NDST4: variants seen among roughly 807,000 people sequenced by gnomAD.
The protein encoded by NDST4 is N-heparan sulfate sulfotransferase 4.
In NDST4, 63 loss-of-function variants were observed where a neutral mutation model predicts 100.8. The ratio of observed to expected loss-of-function variants is 0.62; its 90% CI spans 0.51 to 0.77. The LOEUF is 0.77. NDST4 is among the 30% of genes least tolerant of loss of function. The probability of loss-of-function intolerance (pLI) is 0.00; values close to 1 mark genes in which losing one functional copy is unlikely to be tolerated. For missense variants in NDST4, 943 were observed against 1,018.4 expected, an observed-to-expected ratio of 0.93 and a Z score of 1.01; for synonymous variants, 377 against 361.8, an observed-to-expected ratio of 1.04 and a Z score of -0.48.
At chr4:115,015,741 C>T (rs1010584376) in intron 2 of NDST4, among the ~76,000 whole-genome samples, 1 of 151,998 alleles carries the variant, frequency 6.6e-6, no homozygotes, top group African/African-American at 2.4e-5. Flanking sequence ...CCAATGGGCT[C>T]ATGAACAAAG....
At chr4:115,022,404 CATATATATGTGTTCCAT>C (rs1553918284) in intron 2 of NDST4, among the ~76,000 whole-genome samples, 3 of 15,254 alleles carry the variant, frequency 2.0e-4, no homozygotes, top group South Asian at 1.7e-3. Flanking sequence ...ATATGTGTTC[CATATATATGTGTTCCAT>C]ATATATGTGT....
At chr4:114,970,950 A>G (rs1005346644) in intron 3 of NDST4, among the ~76,000 whole-genome samples, 3 of 152,140 alleles carry the variant, frequency 2.0e-5, no homozygotes, top group Non-Finnish European at 4.4e-5. Flanking sequence ...TTAACTCATA[A>G]CATTTGTTAA....
chr4:115,052,849 C>T (rs1235200008), intron 2 of NDST4, among the ~76,000 whole-genome samples: 1 of 151,968 alleles, frequency 6.6e-6, no homozygotes, highest in African/African-American at 2.4e-5. Context: ...GCCCAGTGAG[C>T]CTAATTATTA....
Position 115,045,455 on chromosome 4 carries a change from A to G in NDST4, c.978+30604T>C, listed in dbSNP as rs112916225. 6.4e-3 allele frequency among the ~76,000 whole-genome samples: 979 copies of G among 152,284 alleles called. 12 individuals carry two copies. The highest frequency in any genetic ancestry group is 0.022 in the African/African-American group (918 of 41,566). On this transcript the variant is annotated intron_variant, in intron 2 of 13. Coordinates refer to ENST00000264363, the MANE Select transcript of NDST4 (RefSeq NM_022569.3). ...GAGCTCTAGAAGAACTTATACTTCAATTGAGTCTTCTAGTAGTTTCCACAG... is the reference window on the plus strand; with the variant it reads ...GAGCTCTAGAAGAACTTATACTTCAGTTGAGTCTTCTAGTAGTTTCCACAG...
At chr4:114,877,924 C>A in intron 6 of NDST4, among the ~76,000 whole-genome samples, 1 of 137,012 alleles carries the variant, frequency 7.3e-6, no homozygotes, top group Admixed American at 7.9e-5. Flanking sequence ...TGCATTACAG[C>A]CAAAAAATGA....
At chr4:115,054,411 A>C (rs930077436) in intron 2 of NDST4, among the ~76,000 whole-genome samples, 3 of 152,136 alleles carry the variant, frequency 2.0e-5, no homozygotes, top group African/African-American at 7.2e-5. Context: ...AAATCTTTGG[A>C]TATTTACTCT....
At chr4:115,064,693 C>A (rs542227657) in intron 2 of NDST4, among the ~76,000 whole-genome samples, 1 of 152,058 alleles carries the variant, frequency 6.6e-6, no homozygotes. Context: ...ATACAAGAGG[C>A]TACTATCTCA....
chr4:114,937,269 C>T, intron 5 of NDST4, 49 bp downstream of exon 5: 2 of 1,592,742 alleles, frequency 1.3e-6, no homozygotes, highest in South Asian at 1.1e-5. Context: ...GTCTTCATTC[C>T]ACATGTAAAT....
intron 2 of NDST4, among the ~76,000 whole-genome samples, chr4:114,983,607 C>T (rs1267847653): frequency 6.6e-6 from 1 of 152,046 alleles, no homozygotes; most frequent in Non-Finnish European, 1.5e-5. Context: ...GCCTCATAGG[C>T]AGAAGGAACT....
chr4:114,908,678 T>C (rs1325097376), intron 6 of NDST4, among the ~76,000 whole-genome samples: 1 of 152,186 alleles, frequency 6.6e-6, no homozygotes, highest in Admixed American at 6.5e-5. Flanking sequence ...TCCTCGCTTG[T>C]CTCAGAAAGG....
At chr4:115,039,101 C>A (rs1440310658) in intron 2 of NDST4, among the ~76,000 whole-genome samples, 2 of 152,070 alleles carry the variant, frequency 1.3e-5, no homozygotes, top group African/African-American at 4.8e-5. Context: ...TAAAACAATC[C>A]GGTGAGCAGG....
At chr4:114,867,665 C>CAAAAAAAAAAAAAAAAAAAAAGA in intron 7 of NDST4, among the ~76,000 whole-genome samples, 203 of 79,572 alleles carry the variant, frequency 2.6e-3, no homozygotes, top group East Asian at 6.1e-3. Flanking sequence ...AAAAAAAAAG[C>CAAAAAAAAAAAAAAAAAAAAAGA]AAAAAAAAAA....
intron 2 of NDST4, among the ~76,000 whole-genome samples, chr4:115,051,236 A>C (rs1728575529): frequency 6.6e-6 from 1 of 151,980 alleles, no homozygotes; most frequent in South Asian, 2.1e-4. Context: ...CAGTGTCTTC[A>C]TCTCGTTTAT....
chr4:115,107,615 C>T (rs769160695), intron 1 of NDST4, among the ~76,000 whole-genome samples: 17 of 152,020 alleles, frequency 1.1e-4, no homozygotes, highest in Non-Finnish European at 2.2e-4. Context: ...TTTAATGTGC[C>T]ACCTTGACTT....
intron 1 of NDST4, 135 bp from the exon 2 acceptor site, chr4:115,077,417 CTGA>C (rs1312146625): frequency 6.4e-6 from 1 of 157,380 alleles, no homozygotes; most frequent in Non-Finnish European, 1.4e-5. Flanking sequence ...TATTAACAAC[CTGA>C]TGTTTACAGT....
chr4:114,910,028 A>C (rs1178672814), intron 6 of NDST4, among the ~76,000 whole-genome samples: 2 of 152,182 alleles, frequency 1.3e-5, no homozygotes, highest in Admixed American at 6.5e-5. Context: ...CTTGTCTGTT[A>C]AACATTTATG....
At chr4:114,962,531 A>G (rs1258413838) in intron 4 of NDST4, among the ~76,000 whole-genome samples, 1 of 152,020 alleles carries the variant, frequency 6.6e-6, no homozygotes, top group African/African-American at 2.4e-5. Context: ...AACAATATAA[A>G]ATTGGAATTT....
chr4:115,100,510 T>G (rs1029290186), intron 1 of NDST4, among the ~76,000 whole-genome samples: 2 of 152,076 alleles, frequency 1.3e-5, no homozygotes, highest in African/African-American at 2.4e-5. Context: ...TTCATGACAT[T>G]TATATATAAC....
chr4:115,046,133 A>C (rs1330695074), intron 2 of NDST4, among the ~76,000 whole-genome samples: 1 of 152,122 alleles, frequency 6.6e-6, no homozygotes, highest in Non-Finnish European at 1.5e-5. Flanking sequence ...CAGGCCAATG[A>C]CTGAAGCAAC....
Sources: gnomAD v4.1 joint callset for allele counts (sites outside exome capture counted in the v4.1 genomes callset) on GRCh38, gnomAD v4.1.1 for gene constraint, MANE v1.5 for transcripts, NCBI Gene and HGNC (gene_info 2026-07-23, HGNC 2026-07-21) for gene names.